Variants in CEP104 observed in about 807,000 individuals in gnomAD.
The protein encoded by CEP104 is centrosomal protein of 104 kDa.
Under a neutral mutation model 113.3 loss-of-function variants are expected in CEP104, and 84 were observed. That is an observed-to-expected ratio of 0.74 (90% CI 0.62 to 0.89). The LOEUF is 0.89. Among genes scored for constraint, CEP104 ranks in the 40% least tolerant of loss-of-function variants. The pLI, the probability that CEP104 is intolerant of heterozygous loss-of-function variation, is 0.00. For missense variants in CEP104, 1,053 were observed against 1,156.6 expected, an observed-to-expected ratio of 0.91 and a Z score of 1.30; for synonymous variants, 378 against 421.7, an observed-to-expected ratio of 0.90 and a Z score of 1.27.
Position 3,854,530 on chromosome 1 carries a change from G to A in CEP104, c.-14-2109C>T, listed in dbSNP as rs542944299. On this transcript the variant is annotated intron_variant, in intron 1 of 21. Transcript: ENST00000378230. ...ATCACCCAGGCTGGAGTGCAGTGGC[G>A]TGATCTGGGCTCATTGTAACCTCTG... Among the ~76,000 whole-genome samples, 66 of 151,910 alleles carry A rather than the reference G, an allele frequency of 4.3e-4. 1 individual carries two copies. Among genetic ancestry groups the A allele is most frequent in the African/African-American group, 1.4e-3 (60 of 41,412 alleles).
chr1:3,816,578 A>T, intron 20 of CEP104: 2 of 491,110 alleles, frequency 4.1e-6, no homozygotes, highest in Admixed American at 3.7e-5. Flanking sequence ...CTCAGGAAGC[A>T]AGAAGTCCTG....
intron 2 of CEP104, 128 bp downstream of exon 2, chr1:3,852,167 C>T: frequency 1.2e-6 from 1 of 838,478 alleles, no homozygotes; most frequent in Non-Finnish European, 1.8e-6. Flanking sequence ...ACACTGCATG[C>T]TGACATCCTT....
Position 3,823,269 on chromosome 1 carries a change from G to A in CEP104, c.2504-28C>T, listed in dbSNP as rs746779566. 94 of 1,613,298 alleles carry A rather than the reference G, an allele frequency of 5.8e-5. No individual in the cohort carries two copies. Among genetic ancestry groups the A allele is most frequent in the South Asian group, 6.6e-5 (6 of 91,064 alleles). The stretch of plus-strand genomic sequence containing the variant: ...GAAATGATTTTAAAAAGACTCAGTC[G>A]CTCCCTGAATGACAGGCGACAAGAC... On this transcript the variant is annotated intron_variant, in intron 19 of 21. Transcript: ENST00000378230. This position sits in a 1 kb window ranked among gnomAD's most constrained non-coding sequence, Gnocchi z 4.1.
chr1:3,820,850 A>G (rs1643958814), intron 20 of CEP104, among the ~76,000 whole-genome samples: 2 of 152,200 alleles, frequency 1.3e-5, no homozygotes, highest in Non-Finnish European at 2.9e-5. Context: ...GTGGGGGCCA[A>G]GGTGAACTGG....
rs1206448988 is a variant in CEP104 at position 3,837,296 on chromosome 1, A to C, written c.1115T>G (p.Ile372Ser). The change falls in exon 9 of 22, where the codon ATC (isoleucine) becomes AGC (serine). Residue 372 changes from isoleucine to serine, a missense_variant. Physicochemically the swap from Ile to Ser is moderately radical, Grantham distance 142. Coordinates refer to ENST00000378230, the MANE Select transcript of CEP104 (RefSeq NM_014704.4). ...LLPATDPHPK[I>S]NAESLPYDER... is the part of the protein sequence containing the mutation. ...ATCTGAAACAGAATTACCTACATTGATCTTTGGATGAGGATCTGTGGCAGG... is the reference window on the plus strand; with the variant it reads ...ATCTGAAACAGAATTACCTACATTGCTCTTTGGATGAGGATCTGTGGCAGG... The C allele has an allele frequency of 3.7e-6, 6 of 1,608,588 alleles. No individual in the cohort carries two copies. In the Admixed American group the frequency reaches 1.0e-4, roughly 27 times the overall value.
intron 18 of CEP104, among the ~76,000 whole-genome samples, chr1:3,824,441 G>C (rs1420032692): frequency 6.6e-6 from 1 of 152,168 alleles, no homozygotes; most frequent in Non-Finnish European, 1.5e-5. Context: ...GGGAAGACTT[G>C]TTACACAGGA....
chr1:3,816,917 C>T (rs894105480), intron 20 of CEP104, among the ~76,000 whole-genome samples: 2 of 152,254 alleles, frequency 1.3e-5, no homozygotes, highest in African/African-American at 4.8e-5. Flanking sequence ...AGCTGTGGGA[C>T]CGTCTGCATG....
intron 11 of CEP104, 99 bp from the exon 12 acceptor site, chr1:3,834,134 C>T (rs551523270): frequency 8.2e-5 from 81 of 992,282 alleles, no homozygotes; most frequent in African/African-American, 2.6e-4. Context: ...AACATTATAT[C>T]GAAAATGACA....
rs114137527 is a variant in CEP104 at position 3,843,670 on chromosome 1, G to A, written c.566+1237C>T. Among the ~76,000 whole-genome samples the A allele has an allele frequency of 6.0e-3, 907 of 151,076 alleles. 10 individuals carry two copies. The highest frequency in any genetic ancestry group is 0.02 in the African/African-American group (844 of 41,200). On this transcript the variant is annotated intron_variant, in intron 6 of 21. Transcript: ENST00000378230. Reference sequence around the variant, plus strand: ...CCCAGCCTACAATTGTTAACACGACGAACTTTCCCCATACCCATTTTTTTT... The same window carrying A: ...CCCAGCCTACAATTGTTAACACGACAAACTTTCCCCATACCCATTTTTTTT...
intron 20 of CEP104, chr1:3,822,727 T>C (rs1644003306): frequency 6.2e-6 from 1 of 161,474 alleles, no homozygotes; most frequent in Non-Finnish European, 1.4e-5. Context: ...AGTCACTGCG[T>C]AGTGCACTGG....
At chr1:3,845,151 T>C (rs1644484803) in intron 5 of CEP104, 138 bp downstream of exon 5, 1 of 839,020 alleles carries the variant, frequency 1.2e-6, no homozygotes, top group African/African-American at 1.7e-5. Flanking sequence ...CTACAGCTCC[T>C]AAAAATCATC....
intron 10 of CEP104, 30 bp downstream of exon 10, chr1:3,836,465 C>A (rs758558981): frequency 6.7e-7 from 1 of 1,484,616 alleles, no homozygotes; most frequent in Non-Finnish European, 9.2e-7. Flanking sequence ...CCTCTGCCAC[C>A]CCGTTTTTTT....
intron 21 of CEP104, 34 bp downstream of exon 21, chr1:3,816,246 C>A (rs774367959): frequency 1.9e-5 from 29 of 1,517,654 alleles, no homozygotes; most frequent in Non-Finnish European, 2.5e-5. Context: ...TGGAGGGATG[C>A]AGACTACACC....
rs768917715 is a variant in CEP104 at position 3,852,459 on chromosome 1, G to C, written c.-14-38C>G. 29 of 1,575,742 alleles carry C rather than the reference G, an allele frequency of 1.8e-5. No individual in the cohort carries two copies. The South Asian group carries it at 2.4e-4, about 13-fold the overall frequency. On this transcript the variant is annotated intron_variant, in intron 1 of 21. Transcript: ENST00000378230. Reference sequence around the variant, plus strand: ...GCAGGAAAAACTTCTTTAAAACAAAGGAATTCACTAACACATGGACATTTA... The same window carrying C: ...GCAGGAAAAACTTCTTTAAAACAAACGAATTCACTAACACATGGACATTTA...
At position 3,834,821 on chromosome 1, in the gene CEP104, G is replaced by A. The variant is rs143215943; in HGVS notation, c.1485+104C>T. ...CTATTGAGTTACAGTTGGTGACCAC[G>A]TCAATGACCAACTGGTCCTCTCTCA... On this transcript the variant is annotated intron_variant, in intron 11 of 21. Transcript: ENST00000378230. 4,991 of 1,051,544 alleles carry A rather than the reference G, an allele frequency of 4.7e-3. 18 individuals carry two copies. The highest frequency in any genetic ancestry group is 8.8e-3 in the African/African-American group (548 of 62,300). 65.1% of individuals were successfully genotyped at this position (1,051,544 alleles called of 1,614,324 possible). A position where few individuals can be genotyped will look rare whatever the true frequency, so the allele number is the denominator to read the frequency against.
intron 6 of CEP104, 74 bp from the exon 7 acceptor site, chr1:3,839,850 G>C (rs1467520623): frequency 8.2e-7 from 1 of 1,219,878 alleles, no homozygotes; most frequent in Non-Finnish European, 1.2e-6. Flanking sequence ...GCACGGTTGA[G>C]AAGATGCCCC....
intron 2 of CEP104, among the ~76,000 whole-genome samples, chr1:3,851,240 T>C (rs1408793517): frequency 6.6e-6 from 1 of 152,042 alleles, no homozygotes; most frequent in Non-Finnish European, 1.5e-5. Context: ...TCTCAGTTCA[T>C]TCAGAACTCA....
At chr1:3,832,862 G>T (rs1273698572) in intron 12 of CEP104, among the ~76,000 whole-genome samples, 5 of 152,058 alleles carry the variant, frequency 3.3e-5, no homozygotes, top group Non-Finnish European at 4.4e-5. Flanking sequence ...TGTATTTTTT[G>T]CAGAGATAGA....
In CEP104 at chr1:3,834,162, A is replaced by G. The variant is rs1207437080; in HGVS notation, c.1486-127T>C. 3.1e-5 allele frequency: 24 copies of G among 772,398 alleles called. No individual in the cohort carries two copies. In the South Asian group the frequency reaches 3.9e-4, roughly 13 times the overall value. 47.8% of individuals were successfully genotyped at this position (772,398 alleles called of 1,614,324 possible). On this transcript the variant is annotated intron_variant, in intron 11 of 21. Coordinates refer to ENST00000378230, the MANE Select transcript of CEP104 (RefSeq NM_014704.4). ...AAATGACATCTCGTCTGAAAGGCTGAAAATTGCAAACTGAAAACTGCTTTC... is the reference window on the plus strand; with the variant it reads ...AAATGACATCTCGTCTGAAAGGCTGGAAATTGCAAACTGAAAACTGCTTTC...
Sources: allele counts gnomAD v4.1 joint callset (sites outside exome capture counted in the v4.1 genomes callset), GRCh38; gene constraint gnomAD v4.1.1; non-coding constraint Gnocchi (gnomAD v3.1); transcripts MANE v1.5; gene names NCBI Gene and HGNC (gene_info 2026-07-23, HGNC 2026-07-21).